The following TNFRSF10B variants were observed in gnomAD, a reference collection of about 807,000 sequenced individuals.
The protein encoded by TNFRSF10B is tumor necrosis factor receptor superfamily member 10B.
TNFRSF10B carries 35 observed loss-of-function variants against 41.4 expected under a neutral mutation model. That is an observed-to-expected ratio of 0.85 (90% CI 0.65 to 1.12). The LOEUF (loss-of-function observed/expected upper bound fraction) is 1.12, where lower values mean the gene tolerates loss of function less well. Among genes scored for constraint, TNFRSF10B ranks in the 50% most tolerant of loss-of-function variants. The pLI is 0.00. For synonymous variants in TNFRSF10B, 230 were observed against 215.5 expected, an observed-to-expected ratio of 1.07 and a Z score of -0.59; for missense variants, 584 against 552.7, an observed-to-expected ratio of 1.06 and a Z score of -0.57.
At chr8:23,040,417 TATTTA>T (rs1812154911) in intron 2 of TNFRSF10B, among the ~76,000 whole-genome samples, 1 of 76,906 alleles carries the variant, frequency 1.3e-5, no homozygotes, top group Admixed American at 1.7e-4. Flanking sequence ...ACAAAATATA[TATTTA>T]TTAAATATAT....
At chr8:23,068,689 C>A (rs994384840) in intron 1 of TNFRSF10B, 62 bp downstream of exon 1, 2 of 1,539,098 alleles carry the variant, frequency 1.3e-6, no homozygotes, top group African/African-American at 2.7e-5. Context: ...CCCCCTCTCT[C>A]CCTGCCCTCT....
intron 2 of TNFRSF10B, among the ~76,000 whole-genome samples, chr8:23,041,426 G>A (rs1812198553): frequency 6.6e-6 from 1 of 152,032 alleles, no homozygotes; most frequent in African/African-American, 2.4e-5. Context: ...CAACACTTTG[G>A]AAGGCCGAGG....
intron 1 of TNFRSF10B, among the ~76,000 whole-genome samples, chr8:23,060,944 G>A (rs1365389707): frequency 6.6e-6 from 1 of 151,968 alleles, no homozygotes; most frequent in Non-Finnish European, 1.5e-5. Context: ...GTAGTGTATA[G>A]AAATGCAATT....
At chr8:23,035,788 C>T (rs1008053811) in intron 2 of TNFRSF10B, among the ~76,000 whole-genome samples, 2 of 152,150 alleles carry the variant, frequency 1.3e-5, no homozygotes, top group South Asian at 4.1e-4. Flanking sequence ...GCCTAGTGTG[C>T]TTATTTTGAT....
intron 1 of TNFRSF10B, among the ~76,000 whole-genome samples, chr8:23,055,100 G>A (rs1024314533): frequency 2.6e-5 from 4 of 152,116 alleles, no homozygotes; most frequent in Non-Finnish European, 5.9e-5. Context: ...CTGGCTGCAA[G>A]TCTCAAAATG....
chr8:23,058,673 T>C (rs1563323703), intron 1 of TNFRSF10B, among the ~76,000 whole-genome samples: 1 of 152,060 alleles, frequency 6.6e-6, no homozygotes, highest in East Asian at 1.9e-4. Context: ...TTAGTAGAGA[T>C]GGGGTTTCTC....
At chr8:23,029,104 C>G (rs1811802247) in intron 4 of TNFRSF10B, among the ~76,000 whole-genome samples, 1 of 152,154 alleles carries the variant, frequency 6.6e-6, no homozygotes, top group Non-Finnish European at 1.5e-5. Flanking sequence ...ACTGAGGGAT[C>G]AGGGGCCAGG....
intron 2 of TNFRSF10B, among the ~76,000 whole-genome samples, chr8:23,032,714 AG>A (rs1811917236): frequency 6.6e-6 from 1 of 152,242 alleles, no homozygotes; most frequent in African/African-American, 2.4e-5. Context: ...TCAGCGTAAA[AG>A]TTTTGCAGTA....
intron 1 of TNFRSF10B, among the ~76,000 whole-genome samples, chr8:23,063,346 CAAAAA>C (rs11321750): frequency 3.1e-5 from 4 of 128,824 alleles, no homozygotes; most frequent in Admixed American, 1.6e-4. Flanking sequence ...GAAACTGTCT[CAAAAA>C]AAAAAAAAAA....
chr8:23,068,716 C>T, intron 1 of TNFRSF10B, 35 bp downstream of exon 1: 10 of 1,551,540 alleles, frequency 6.4e-6, no homozygotes, highest in East Asian at 2.4e-5. Context: ...GCCAGGCACG[C>T]TCTTCCCCAG....
intron 2 of TNFRSF10B, 188 bp downstream of exon 2, chr8:23,042,950 C>G (rs1248689875): frequency 1.7e-6 from 1 of 576,470 alleles, no homozygotes; most frequent in East Asian, 2.9e-5. Context: ...GTTTCTTTGG[C>G]TGTCTCATTC....
At position 23,068,744 on chromosome 8, in the gene TNFRSF10B, G is replaced by A. The variant is rs1015152167; in HGVS notation, c.144+7C>T. ...TTCCCCAGCCAGGGACCGCGGCGGG[G>A]ACTCACCAACAGCAGGACCGCGGCG... is the stretch of plus-strand genomic sequence containing the variant. On this transcript the variant is annotated splice_region_variant and intron_variant, in intron 1 of 8. Coordinates refer to ENST00000276431, the MANE Select transcript of TNFRSF10B (RefSeq NM_003842.5). 6.4e-7 allele frequency: 1 copy of A among 1,573,514 alleles called. No individual in the cohort carries two copies. The highest frequency in any genetic ancestry group is 8.6e-7 in the Non-Finnish European group (1 of 1,159,858).
intron 1 of TNFRSF10B, among the ~76,000 whole-genome samples, chr8:23,045,607 TA>T: frequency 6.6e-6 from 1 of 152,206 alleles, no homozygotes; most frequent in Middle Eastern, 3.2e-3. Context: ...ATTACCTTGA[TA>T]CCAAAGCCAG....
chr8:23,053,974 T>G (rs934745011), intron 1 of TNFRSF10B, among the ~76,000 whole-genome samples: 3 of 152,234 alleles, frequency 2.0e-5, no homozygotes, highest in Non-Finnish European at 4.4e-5. Context: ...GTTAAAATTA[T>G]TGTGTGCCAC....
At chr8:23,063,820 T>C (rs967295253) in intron 1 of TNFRSF10B, among the ~76,000 whole-genome samples, 3 of 152,306 alleles carry the variant, frequency 2.0e-5, no homozygotes, top group East Asian at 3.9e-4. Context: ...CGGGGAAAAC[T>C]TGACAATGGC....
intron 4 of TNFRSF10B, 52 bp from the exon 5 acceptor site, chr8:23,028,654 G>A: frequency 6.2e-7 from 1 of 1,611,342 alleles, no homozygotes; most frequent in Non-Finnish European, 8.5e-7. Flanking sequence ...AAGCTGGCCA[G>A]GTGGGATGAA....
At chr8:23,040,301 A>T (rs1378412068) in intron 2 of TNFRSF10B, among the ~76,000 whole-genome samples, 3 of 33,222 alleles carry the variant, frequency 9.0e-5, no homozygotes, top group Non-Finnish European at 2.3e-4. Flanking sequence ...AAATATATAT[A>T]ATATATATTT....
rs752009342 is a variant in TNFRSF10B at position 23,028,388 on chromosome 8, CA to C, written c.690del (p.Phe230LeufsTer15). On this transcript the variant is annotated frameshift_variant, in exon 5 of 9. Transcript: ENST00000276431. LOFTEE classifies it high-confidence loss of function. ...TTCTTCCACAGTAAAGACTTGCAAA[CA>C]AACACAGCCACAATCAAGACTACGG... The part of the protein sequence containing the change: ...VAAVVLIVAV[F>X]VCKSLLWKKV... 1.2e-6 allele frequency: 2 copies of C among 1,614,160 alleles called. No individual in the cohort carries two copies. Among genetic ancestry groups the C allele is most frequent in the Non-Finnish European group, 1.7e-6 (2 of 1,180,016 alleles).
intron 1 of TNFRSF10B, among the ~76,000 whole-genome samples, chr8:23,061,241 A>G (rs1190452763): frequency 1.3e-5 from 2 of 152,210 alleles, no homozygotes; most frequent in African/African-American, 4.8e-5. Flanking sequence ...TAAAAAGAAT[A>G]TAAATTTATA....
Sources: gnomAD v4.1 joint callset for allele counts (sites outside exome capture counted in the v4.1 genomes callset) on GRCh38, gnomAD v4.1.1 for gene constraint, MANE v1.5 for transcripts, NCBI Gene and HGNC (gene_info 2026-07-23, HGNC 2026-07-21) for gene names.